CLIC6: variants seen among roughly 807,000 people sequenced by gnomAD.
CLIC6 encodes CLIC family member 6.
CLIC6 carries 39 observed loss-of-function variants against 49.2 expected under a neutral mutation model. The observed-to-expected ratio is 0.79, with a 90% CI of 0.61 to 1.04. The LOEUF is 1.04. CLIC6 is among the 50% of genes least tolerant of loss of function. The pLI is 0.00. For missense variants in CLIC6, 988 were observed against 993.1 expected (o/e 0.99, Z 0.07); for synonymous variants, 446 against 433.4 (o/e 1.03, Z -0.36).
intron 1 of CLIC6, among the ~76,000 whole-genome samples, chr21:34,682,188 C>T (rs79057845): frequency 5.9e-5 from 9 of 152,240 alleles, no homozygotes; most frequent in South Asian, 2.1e-4. Flanking sequence ...GGCATTGCTA[C>T]GGGAAAGGGT....
rs545899157 is a variant in CLIC6, at chr21:34,683,668, G to A, written c.1374+12906G>A. 3.8e-4 allele frequency among the ~76,000 whole-genome samples: 58 copies of A among 152,172 alleles called. 1 individual carries two copies. Among genetic ancestry groups the A allele is most frequent in the Admixed American group, 1.7e-3 (26 of 15,276 alleles). Reference sequence around the variant, plus strand: ...ATGTTGTTCTCATGATAGTGAGTGAGTTCTTATGAGATCTGATGGTTTAAA... The same window carrying A: ...ATGTTGTTCTCATGATAGTGAGTGAATTCTTATGAGATCTGATGGTTTAAA... On this transcript the variant is annotated intron_variant, in intron 1 of 5. Transcript: ENST00000349499.
intron 1 of CLIC6, among the ~76,000 whole-genome samples, chr21:34,672,708 A>G (rs1244727354): frequency 6.6e-6 from 1 of 152,236 alleles, no homozygotes; most frequent in Non-Finnish European, 1.5e-5. Flanking sequence ...GATCAAGAAC[A>G]CGGACTTTAG....
chr21:34,712,215 T>C (rs1167482696), intron 5 of CLIC6, among the ~76,000 whole-genome samples: 1 of 152,186 alleles, frequency 6.6e-6, no homozygotes, highest in Non-Finnish European at 1.5e-5. Flanking sequence ...GGAGTACTTC[T>C]GAAAGGAAAT....
At chr21:34,703,511 G>A (rs1173463078) in intron 1 of CLIC6, among the ~76,000 whole-genome samples, 2 of 152,162 alleles carry the variant, frequency 1.3e-5, no homozygotes, top group African/African-American at 2.4e-5. Context: ...CTAGTGGGAG[G>A]TGGCTGTGTG....
At chr21:34,686,273 C>T (rs531800954) in intron 1 of CLIC6, among the ~76,000 whole-genome samples, 13 of 152,196 alleles carry the variant, frequency 8.5e-5, no homozygotes, top group African/African-American at 1.9e-4. Flanking sequence ...TGGTGGCACT[C>T]GCCTGTAGTC....
chr21:34,678,850 TAA>T (rs1213042786), intron 1 of CLIC6, among the ~76,000 whole-genome samples: 1 of 152,284 alleles, frequency 6.6e-6, no homozygotes, highest in South Asian at 2.1e-4. Flanking sequence ...TAATGAGAAT[TAA>T]GTCTTCTTTC....
At chr21:34,674,946 T>C (rs1341746921) in intron 1 of CLIC6, among the ~76,000 whole-genome samples, 1 of 152,182 alleles carries the variant, frequency 6.6e-6, no homozygotes, top group African/African-American at 2.4e-5. Flanking sequence ...GTTCCCCTAA[T>C]CTGGCGTGTA....
At chr21:34,684,458 T>C (rs1461661202) in intron 1 of CLIC6, among the ~76,000 whole-genome samples, 1 of 152,246 alleles carries the variant, frequency 6.6e-6, no homozygotes, top group African/African-American at 2.4e-5. Context: ...AATTTATCCA[T>C]CTATCTGCAC....
chr21:34,705,953 C>A, intron 1 of CLIC6: 1 of 607,022 alleles, frequency 1.6e-6, no homozygotes, highest in Non-Finnish European at 3.0e-6. Flanking sequence ...AGGCCCCATG[C>A]AGCAGGACCC....
chr21:34,669,460 G>T lies in CLIC6; in HGVS notation c.72G>T (p.Leu24=). 1 of 1,234,582 alleles carries T rather than the reference G, an allele frequency of 8.1e-7. No individual in the cohort carries two copies. 76.5% of individuals were successfully genotyped at this position (1,234,582 alleles called of 1,614,324 possible). A position where few individuals can be genotyped will look rare whatever the true frequency, so the allele number is the denominator to read the frequency against. Residue 24 remains leucine (L), a synonymous_variant, in exon 1 of 6, where the codon CTG becomes CTT. Transcript: ENST00000349499. ...PQGPPEVPAP[L]AERPGEPGAA... is the part of the protein sequence containing the mutation. ...GGCCGCCGGAGGTCCCCGCGCCTCT[G>T]GCTGAGAGACCCGGAGAGCCAGGAG...
chr21:34,714,421 C>T (rs982245737), intron 5 of CLIC6, among the ~76,000 whole-genome samples: 1 of 152,188 alleles, frequency 6.6e-6, no homozygotes, highest in Non-Finnish European at 1.5e-5. Flanking sequence ...GGTGCAGTGG[C>T]TCACACCTGT....
chr21:34,712,157 GGCC>G (rs1205955557), intron 5 of CLIC6, among the ~76,000 whole-genome samples: 3 of 152,200 alleles, frequency 2.0e-5, no homozygotes, highest in Non-Finnish European at 4.4e-5. Context: ...AAATCTGCAA[GGCC>G]ATTTAGCACT....
intron 1 of CLIC6, among the ~76,000 whole-genome samples, chr21:34,682,345 A>G (rs1235954962): frequency 6.6e-6 from 1 of 152,228 alleles, no homozygotes; most frequent in African/African-American, 2.4e-5. Flanking sequence ...TGAATCTGAG[A>G]GGTGAAAATA....
At chr21:34,692,488 C>T (rs974466005) in intron 1 of CLIC6, among the ~76,000 whole-genome samples, 1 of 152,222 alleles carries the variant, frequency 6.6e-6, no homozygotes, top group South Asian at 2.1e-4. Context: ...TGCAAAGCCT[C>T]TGATTTCTGG....
chr21:34,716,184 G>T, intron 5 of CLIC6, 137 bp from the exon 6 acceptor site: 1 of 713,632 alleles, frequency 1.4e-6, no homozygotes, highest in Non-Finnish European at 2.3e-6. Context: ...TGCCGTGGTG[G>T]GTAGCCCGGA....
intron 5 of CLIC6, among the ~76,000 whole-genome samples, chr21:34,710,596 G>A (rs531251141): frequency 3.3e-5 from 5 of 152,202 alleles, no homozygotes; most frequent in South Asian, 4.1e-4. Context: ...GGCAGGTCAC[G>A]AAGTCAGGAG....
chr21:34,705,553 C>T (rs2056008692), intron 1 of CLIC6, among the ~76,000 whole-genome samples: 1 of 152,178 alleles, frequency 6.6e-6, no homozygotes, highest in Non-Finnish European at 1.5e-5. Context: ...CTCAGACCCT[C>T]CCCTCTAATA....
intron 5 of CLIC6, 130 bp from the exon 6 acceptor site, chr21:34,716,191 C>T (rs909131005): frequency 3.3e-5 from 25 of 767,900 alleles, no homozygotes; most frequent in East Asian, 1.3e-4. Flanking sequence ...GTGGGTAGCC[C>T]GGATGACTGT....
chr21:34,708,648 T>G, intron 3 of CLIC6, 52 bp from the exon 4 acceptor site: 1 of 1,250,920 alleles, frequency 8.0e-7, no homozygotes, highest in East Asian at 2.4e-5. Context: ...TATAGTATTA[T>G]CTTCACTAAA....
Sources: allele counts gnomAD v4.1 joint callset (sites outside exome capture counted in the v4.1 genomes callset), GRCh38; gene constraint gnomAD v4.1.1; transcripts MANE v1.5; gene names NCBI Gene and HGNC (gene_info 2026-07-23, HGNC 2026-07-21).